Variants in METTL25 observed in about 807,000 individuals in gnomAD.
METTL25 encodes the protein methyltransferase like 25.
A neutral mutation model predicts 71.6 loss-of-function variants in METTL25; 64 were observed. That is an observed-to-expected ratio of 0.89 (90% CI 0.73 to 1.10). The LOEUF (loss-of-function observed/expected upper bound fraction) is 1.10, where lower values mean the gene tolerates loss of function less well. Among genes scored for constraint, METTL25 ranks in the 50% least tolerant of loss-of-function variants. METTL25 has a pLI of 0.00. For missense variants in METTL25, 807 were observed against 707.0 expected (o/e 1.14, Z -1.60); for synonymous variants, 287 against 250.3 (o/e 1.15, Z -1.38).
At chr12:82,456,395 G>A (rs973178542) in intron 8 of METTL25, among the ~76,000 whole-genome samples, 1 of 151,854 alleles carries the variant, frequency 6.6e-6, no homozygotes, top group Non-Finnish European at 1.5e-5. Context: ...TTGTAATATT[G>A]AGCCAGTAAA....
intron 1 of METTL25, among the ~76,000 whole-genome samples, chr12:82,386,514 TTCTC>T (rs1274254035): frequency 2.6e-5 from 2 of 76,556 alleles, no homozygotes; most frequent in Non-Finnish European, 5.4e-5. Flanking sequence ...TTCCTCCCTT[TTCTC>T]TCTCTCTGTC....
chr12:82,386,084 C>G (rs1044135032), intron 1 of METTL25, among the ~76,000 whole-genome samples: 4 of 152,034 alleles, frequency 2.6e-5, no homozygotes, highest in African/African-American at 9.7e-5. Context: ...ACACACTAAG[C>G]TTATAGAAAG....
At chr12:82,449,320 A>G (rs1437352601) in intron 8 of METTL25, among the ~76,000 whole-genome samples, 4 of 152,214 alleles carry the variant, frequency 2.6e-5, no homozygotes, top group Non-Finnish European at 4.4e-5. Flanking sequence ...TTATTGTGGC[A>G]TTCAAGGCCA....
At chr12:82,414,475 A>C (rs1887803883) in intron 5 of METTL25, among the ~76,000 whole-genome samples, 1 of 152,090 alleles carries the variant, frequency 6.6e-6, no homozygotes, top group Non-Finnish European at 1.5e-5. Context: ...GCACCTCGTT[A>C]TTTTTTGCGA....
At chr12:82,365,931 A>T (rs992849882) in intron 1 of METTL25, among the ~76,000 whole-genome samples, 4 of 152,062 alleles carry the variant, frequency 2.6e-5, no homozygotes, top group Admixed American at 6.5e-5. Context: ...AAATACAAAA[A>T]ATCAGCCAGA....
At chr12:82,379,449 T>C (rs1884209596) in intron 1 of METTL25, among the ~76,000 whole-genome samples, 2 of 152,270 alleles carry the variant, frequency 1.3e-5, no homozygotes, top group Admixed American at 1.3e-4. Context: ...TATACATATT[T>C]AATTTATTCT....
intron 1 of METTL25, among the ~76,000 whole-genome samples, chr12:82,361,790 C>T (rs915653955): frequency 1.4e-4 from 22 of 152,298 alleles, no homozygotes; most frequent in African/African-American, 4.8e-4. Flanking sequence ...GGTTCCCACC[C>T]GTGCCTCTCC....
chr12:82,396,474 A>G (rs529579115), intron 3 of METTL25, among the ~76,000 whole-genome samples: 1 of 152,164 alleles, frequency 6.6e-6, no homozygotes, highest in African/African-American at 2.4e-5. Context: ...AGTGGCTCAT[A>G]CTTATGTCAA....
At chr12:82,370,173 T>C (rs1380043502) in intron 1 of METTL25, among the ~76,000 whole-genome samples, 1 of 152,140 alleles carries the variant, frequency 6.6e-6, no homozygotes, top group Admixed American at 6.5e-5. Context: ...AGGGGAACTC[T>C]TTAGGCCAGT....
Position 82,472,526 on chromosome 12 carries a change from A to G in METTL25, c.1573-4118A>G, listed in dbSNP as rs191716942. On this transcript the variant is annotated intron_variant, in intron 9 of 11. Transcript: ENST00000248306. ...GGCAGGAGAATGGCTTGAACCTGGG[A>G]GGCGGAGTTTGCAGTGAGCCGAGGT... Among the ~76,000 whole-genome samples the G allele has an allele frequency of 7.4e-3, 1,131 of 152,242 alleles. 8 individuals carry two copies. Among genetic ancestry groups the G allele is most frequent in the Admixed American group, 0.029 (441 of 15,294 alleles).
chr12:82,364,617 A>T (rs777425006), intron 1 of METTL25, among the ~76,000 whole-genome samples: 4 of 152,156 alleles, frequency 2.6e-5, no homozygotes, highest in Non-Finnish European at 5.9e-5. Flanking sequence ...AAAAGTAGGG[A>T]TAATATTACC....
intron 8 of METTL25, among the ~76,000 whole-genome samples, chr12:82,452,311 T>A (rs1309684651): frequency 6.6e-6 from 1 of 152,194 alleles, no homozygotes; most frequent in African/African-American, 2.4e-5. Context: ...TTCTTTGGCC[T>A]ACCTCTTTTT....
intron 7 of METTL25, among the ~76,000 whole-genome samples, chr12:82,436,635 T>G (rs1423486478): frequency 6.6e-6 from 1 of 151,628 alleles, no homozygotes; most frequent in Non-Finnish European, 1.5e-5. Flanking sequence ...TGCTGTATTT[T>G]TCTGTGCATT....
Position 82,434,712 on chromosome 12 carries a change from A to G in METTL25, c.1392A>G (p.Ala464=), listed in dbSNP as rs1287136080. ...CCTTTAAGGCATTGGAGCGGGTTGC[A>G]GCTGGCCAAGGGGTAAGTAAGAGTG... is the stretch of plus-strand genomic sequence containing the variant. ...MSACLALERV[A]AGQGLPTESL... is the part of the protein sequence containing the mutation. Residue 464 remains alanine (A), a synonymous_variant, in exon 7 of 12, where the codon GCA becomes GCG. Coordinates refer to ENST00000248306, the MANE Select transcript of METTL25 (RefSeq NM_032230.3). The G allele has an allele frequency of 6.2e-7, 1 of 1,609,548 alleles. No individual in the cohort carries two copies. Among genetic ancestry groups the G allele is most frequent in the East Asian group, 2.2e-5 (1 of 44,680 alleles).
At chr12:82,366,129 G>C (rs752611450) in intron 1 of METTL25, among the ~76,000 whole-genome samples, 14 of 152,046 alleles carry the variant, frequency 9.2e-5, no homozygotes, top group Non-Finnish European at 1.9e-4. Flanking sequence ...GGCCTCATTT[G>C]TTCTCATTGT....
intron 6 of METTL25, among the ~76,000 whole-genome samples, chr12:82,432,863 T>TAAAAAAAAAAAAAA (rs11358515): frequency 7.7e-6 from 1 of 130,266 alleles, no homozygotes; most frequent in Non-Finnish European, 1.6e-5. Context: ...TGGTCTTCTT[T>TAAAAAAAAAAAAAA]AAAAAAAAAA....
At chr12:82,390,834 G>A (rs539255681) in intron 3 of METTL25, among the ~76,000 whole-genome samples, 1 of 152,166 alleles carries the variant, frequency 6.6e-6, no homozygotes, top group South Asian at 2.1e-4. Context: ...AGCCGGAGTC[G>A]AAGAGGCAAG....
Position 82,451,024 on chromosome 12 carries a change from A to G in METTL25, c.1479-5703A>G, listed in dbSNP as rs115923187. Reference sequence around the variant, plus strand: ...TTATTTGTGTTGTTGATCATCTCCCATCTCAAATGATTTTTTGTTTCCTTT... The same window carrying G: ...TTATTTGTGTTGTTGATCATCTCCCGTCTCAAATGATTTTTTGTTTCCTTT... On this transcript the variant is annotated intron_variant, in intron 8 of 11. Coordinates refer to ENST00000248306, the MANE Select transcript of METTL25 (RefSeq NM_032230.3). Among the ~76,000 whole-genome samples the G allele has an allele frequency of 8.9e-4, 135 of 152,210 alleles. 2 individuals carry two copies. The highest frequency in any genetic ancestry group is 3.2e-3 in the African/African-American group (131 of 41,546).
At chr12:82,427,586 ATT>A (rs760748714) in intron 5 of METTL25, among the ~76,000 whole-genome samples, 30 of 151,878 alleles carry the variant, frequency 2.0e-4, no homozygotes, top group Admixed American at 4.6e-4. Flanking sequence ...CAGTTTTTAA[ATT>A]TTTGTTTCAT....
Sources: allele counts gnomAD v4.1 joint callset (sites outside exome capture counted in the v4.1 genomes callset), GRCh38; gene constraint gnomAD v4.1.1; transcripts MANE v1.5; gene names NCBI Gene and HGNC (gene_info 2026-07-23, HGNC 2026-07-21).